The following ARHGEF3 variants were observed in gnomAD, a reference collection of about 807,000 sequenced individuals.
ARHGEF3 encodes Rho guanine nucleotide exchange factor 3, also known as 59.8 kDA protein.
A neutral mutation model predicts 63.2 loss-of-function variants in ARHGEF3; 28 were observed. The observed-to-expected ratio is 0.44, with a 90% confidence interval of 0.33 to 0.61. The LOEUF is 0.61. ARHGEF3 is among the 20% of genes least tolerant of loss of function. The pLI is 0.03. For synonymous variants in ARHGEF3, 266 were observed against 254.2 expected (o/e 1.05, Z -0.44); for missense variants, 533 against 659.3 (o/e 0.81, Z 2.10).
Position 56,992,525 on chromosome 3 carries a change from A to G in ARHGEF3, c.63-33636T>C, listed in dbSNP as rs543520735. ...CCTTCTGTCTGCTCCAGACACATGC[A>G]GTGGCTAAGAACACAGCATGGGAGA... On this transcript the variant is annotated intron_variant, in intron 2 of 12. Transcript: ENST00000338458. 3.9e-5 allele frequency among the ~76,000 whole-genome samples: 6 copies of G among 151,998 alleles called. No homozygotes were observed. In the South Asian group the frequency reaches 1.2e-3, roughly 32 times the overall value.
intron 2 of ARHGEF3, among the ~76,000 whole-genome samples, chr3:56,968,235 AATATATATAT>A (rs1700725637): frequency 2.9e-5 from 1 of 34,796 alleles, no homozygotes; most frequent in African/African-American, 8.8e-5. Context: ...TATATATATA[AATATATATAT>A]TAATATATAA....
At chr3:56,760,152 T>C (rs2035336177) in intron 2 of ARHGEF3, among the ~76,000 whole-genome samples, 1 of 152,188 alleles carries the variant, frequency 6.6e-6, no homozygotes, top group Admixed American at 6.5e-5. Flanking sequence ...TGGAATTCCT[T>C]GGTCTAAGAA....
Position 56,733,845 on chromosome 3 carries a change from G to A in ARHGEF3, c.1042-1421C>T, listed in dbSNP as rs148739222. ...CTAAAAATACAAAAATTAGCGAGGCGCGGTGGCAGGCGCCTATAATCCCAG... is the reference window on the plus strand; with the variant it reads ...CTAAAAATACAAAAATTAGCGAGGCACGGTGGCAGGCGCCTATAATCCCAG... On this transcript the variant is annotated intron_variant, in intron 8 of 9. Transcript: ENST00000296315. Among the ~76,000 whole-genome samples the A allele has an allele frequency of 4.5e-3, 691 of 151,936 alleles. 2 individuals carry two copies. Among genetic ancestry groups the A allele is most frequent in the African/African-American group, 0.015 (639 of 41,436 alleles).
rs1410825594 is a variant in ARHGEF3 at position 57,001,915 on chromosome 3, G to GTTTTTTTTT, written c.62+33164_62+33172dup. Among the ~76,000 whole-genome samples, 9 of 53,718 alleles carry GTTTTTTTTT rather than the reference G, an allele frequency of 1.7e-4. 4 individuals are homozygous for GTTTTTTTTT. Among genetic ancestry groups the GTTTTTTTTT allele is most frequent in the South Asian group, 1.7e-3 (2 of 1,150 alleles). The allele number at this position is 53,718 out of a possible 152,430, so 35.2% of individuals were successfully genotyped here. The stretch of plus-strand genomic sequence containing the variant: ...AAATCCTAAAACCCAAAGTGAGATA[G>GTTTTTTTTT]TTTTTTTTTTTTTTGTTTTTTGTTT... On this transcript the variant is annotated intron_variant, in intron 2 of 12. Coordinates refer to the ARHGEF3 transcript ENST00000338458.
intron 2 of ARHGEF3, among the ~76,000 whole-genome samples, chr3:56,994,084 A>AAAAAAAAAAAAAAAAAAAAAC: frequency 1.4e-5 from 2 of 146,444 alleles, no homozygotes; most frequent in Non-Finnish European, 1.5e-5. Flanking sequence ...AAAAAAAAAA[A>AAAAAAAAAAAAAAAAAAAAAC]AGCACACTGT....
chr3:56,792,318 T>G (rs2037130701), intron 1 of ARHGEF3, among the ~76,000 whole-genome samples: 1 of 152,192 alleles, frequency 6.6e-6, no homozygotes, highest in Admixed American at 6.5e-5. Context: ...TGCTCAACTT[T>G]TTTTCCTCTT....
chr3:57,014,684 CTTT>C (rs34987425), intron 2 of ARHGEF3, among the ~76,000 whole-genome samples: 2 of 146,614 alleles, frequency 1.4e-5, no homozygotes, highest in African/African-American at 2.5e-5. Flanking sequence ...AGCTTGTTAA[CTTT>C]TTTTTTTTTT....
chr3:56,997,493 C>G (rs6777892), intron 2 of ARHGEF3, among the ~76,000 whole-genome samples: 4,104 of 152,206 alleles, frequency 0.027, 193 homozygotes, highest in African/African-American at 0.094. Context: ...ACTCTGCCCC[C>G]CTAAGAGCTT....
At chr3:57,018,960 T>C (rs1403095920) in intron 2 of ARHGEF3, among the ~76,000 whole-genome samples, 1 of 151,844 alleles carries the variant, frequency 6.6e-6, no homozygotes, top group African/African-American at 2.4e-5. Context: ...ATATGCCATC[T>C]CTCGCAGAAT....
chr3:57,043,210 G>A (rs1161469506), intron 1 of ARHGEF3, among the ~76,000 whole-genome samples: 1 of 151,540 alleles, frequency 6.6e-6, no homozygotes, highest in Non-Finnish European at 1.5e-5. Flanking sequence ...TCCACCTCCT[G>A]TGTTCAAGCG....
At chr3:56,948,461 C>A (rs1699630517) in intron 3 of ARHGEF3, among the ~76,000 whole-genome samples, 2 of 152,146 alleles carry the variant, frequency 1.3e-5, no homozygotes, top group African/African-American at 4.8e-5. Context: ...CCACCGATCC[C>A]ACAGAAATAC....
chr3:57,026,107 A>G (rs1703462792), intron 2 of ARHGEF3, among the ~76,000 whole-genome samples: 1 of 152,188 alleles, frequency 6.6e-6, no homozygotes, highest in African/African-American at 2.4e-5. Context: ...AGATACCTTA[A>G]CAATGATGGA....
upstream of ARHGEF3, among the ~76,000 whole-genome samples, chr3:56,806,102 A>G (rs2037853296): frequency 6.6e-6 from 1 of 152,136 alleles, no homozygotes; most frequent in African/African-American, 2.4e-5. Flanking sequence ...TTTCAGGAGT[A>G]TTTCTGACCT....
At chr3:56,742,214 G>C (rs182315195) in intron 7 of ARHGEF3, among the ~76,000 whole-genome samples, 2 of 151,892 alleles carry the variant, frequency 1.3e-5, no homozygotes, top group South Asian at 2.1e-4. Flanking sequence ...GTGGTGAGGT[G>C]GGGGGAAGGG....
chr3:57,076,405 G>A (rs114255133), intron 1 of ARHGEF3, among the ~76,000 whole-genome samples: 1 of 152,182 alleles, frequency 6.6e-6, no homozygotes, highest in Non-Finnish European at 1.5e-5. Flanking sequence ...ATGAATGCAG[G>A]ATAGTCAGAA....
intron 3 of ARHGEF3, among the ~76,000 whole-genome samples, chr3:56,925,708 A>G (rs1322920399): frequency 6.6e-6 from 1 of 152,232 alleles, no homozygotes; most frequent in Non-Finnish European, 1.5e-5. Context: ...CCAATGTGCC[A>G]AGCTTGGCAG....
chr3:57,069,133 G>A (rs1340765254), intron 1 of ARHGEF3, among the ~76,000 whole-genome samples: 1 of 151,954 alleles, frequency 6.6e-6, no homozygotes, highest in Non-Finnish European at 1.5e-5. Flanking sequence ...ATCTTGGCCA[G>A]GCTGGTCTTG....
At chr3:56,941,725 G>A (rs1312429505) in intron 3 of ARHGEF3, among the ~76,000 whole-genome samples, 2 of 152,072 alleles carry the variant, frequency 1.3e-5, no homozygotes, top group Admixed American at 6.6e-5. Context: ...AGTTCTCTGG[G>A]ACTTCATCTA....
chr3:57,002,551 TTA>T (rs146135938), intron 2 of ARHGEF3, among the ~76,000 whole-genome samples: 13,746 of 103,422 alleles, frequency 0.13, 1,201 homozygotes, highest in Non-Finnish European at 0.18. Flanking sequence ...ATATGTTATG[TTA>T]TATATATGTT....
Sources: allele counts gnomAD v4.1 joint callset (sites outside exome capture counted in the v4.1 genomes callset), GRCh38; gene constraint gnomAD v4.1.1; transcripts MANE v1.5; gene names NCBI Gene and HGNC (gene_info 2026-07-23, HGNC 2026-07-21).